The following NCALD variants were observed in gnomAD, a reference collection of about 807,000 sequenced individuals.
NCALD encodes the protein neurocalcin-delta.
A neutral mutation model predicts 18.6 loss-of-function variants in NCALD; 10 were observed. The ratio of observed to expected loss-of-function variants is 0.54; its 90% CI spans 0.33 to 0.91. The LOEUF is 0.91. Ranked by LOEUF, NCALD falls within the 40% of genes least tolerant of loss-of-function variation. NCALD has a pLI of 0.03. For synonymous variants in NCALD, 88 were observed against 87.4 expected (o/e 1.01, Z -0.04); for missense variants, 184 against 247.6 (o/e 0.74, Z 1.72).
At chr8:101,848,002 A>G (rs1814937647) in intron 4 of NCALD, among the ~76,000 whole-genome samples, 1 of 152,180 alleles carries the variant, frequency 6.6e-6, no homozygotes, top group Non-Finnish European at 1.5e-5. Flanking sequence ...AAGGGAAAAG[A>G]GAAGGAACAA....
At chr8:102,047,623 C>T (rs1262092112) in intron 1 of NCALD, among the ~76,000 whole-genome samples, 1 of 152,200 alleles carries the variant, frequency 6.6e-6, no homozygotes, top group Non-Finnish European at 1.5e-5. Flanking sequence ...ATAGAACATG[C>T]TAACGATCCT....
intron 1 of NCALD, among the ~76,000 whole-genome samples, chr8:102,022,748 G>A (rs984086115): frequency 1.3e-5 from 2 of 152,078 alleles, no homozygotes; most frequent in African/African-American, 4.8e-5. Flanking sequence ...CACACATCCA[G>A]ACCAAAAACC....
At chr8:101,827,691 G>T (rs1411667995) in intron 4 of NCALD, among the ~76,000 whole-genome samples, 1 of 152,184 alleles carries the variant, frequency 6.6e-6, no homozygotes, top group Non-Finnish European at 1.5e-5. Flanking sequence ...ACAGTTTTCT[G>T]TCTTAGACCA....
At chr8:101,982,618 A>G (rs780967090) in intron 2 of NCALD, among the ~76,000 whole-genome samples, 40 of 152,226 alleles carry the variant, frequency 2.6e-4, no homozygotes, top group Non-Finnish European at 2.5e-4. Flanking sequence ...AGGCTGGTGG[A>G]TCAGGAGGTC....
intron 1 of NCALD, among the ~76,000 whole-genome samples, chr8:102,084,895 C>T (rs1824685069): frequency 6.6e-6 from 1 of 152,168 alleles, no homozygotes; most frequent in Admixed American, 6.5e-5. Context: ...TGATGGTCTC[C>T]TGACTTTCCC....
intron 1 of NCALD, among the ~76,000 whole-genome samples, chr8:101,770,460 C>T (rs528748577): frequency 6.6e-6 from 1 of 152,162 alleles, no homozygotes; most frequent in African/African-American, 2.4e-5. Flanking sequence ...CCTTCTTACT[C>T]TCTGATGGTA....
intron 4 of NCALD, among the ~76,000 whole-genome samples, chr8:101,819,267 A>AT (rs200616070): frequency 6.8e-6 from 1 of 147,524 alleles, no homozygotes; most frequent in Non-Finnish European, 1.5e-5. Flanking sequence ...ACATAACTTT[A>AT]TTTATTTATT....
intron 2 of NCALD, among the ~76,000 whole-genome samples, chr8:101,999,195 C>T (rs929332252): frequency 6.6e-6 from 1 of 150,736 alleles, no homozygotes; most frequent in African/African-American, 2.4e-5. Flanking sequence ...GAAAAAGATA[C>T]TTGCACACAT....
chr8:101,873,768 G>A (rs1272773943), intron 4 of NCALD, among the ~76,000 whole-genome samples: 2 of 152,186 alleles, frequency 1.3e-5, no homozygotes, highest in Non-Finnish European at 2.9e-5. Flanking sequence ...GGGGTAGATG[G>A]TGGGAAAGCA....
chr8:101,936,642 A>G (rs1382308549), intron 2 of NCALD, among the ~76,000 whole-genome samples: 1 of 152,186 alleles, frequency 6.6e-6, no homozygotes, highest in Non-Finnish European at 1.5e-5. Flanking sequence ...CCTTCCCAAA[A>G]CAAACTGAGT....
intron 2 of NCALD, among the ~76,000 whole-genome samples, chr8:101,960,851 G>A (rs1051211957): frequency 2.0e-5 from 3 of 151,970 alleles, no homozygotes; most frequent in Non-Finnish European, 2.9e-5. Context: ...CCTTCCCTCC[G>A]TGGGGCTTTG....
intron 2 of NCALD, among the ~76,000 whole-genome samples, chr8:102,015,003 C>T (rs1266779723): frequency 3.3e-5 from 5 of 152,022 alleles, no homozygotes; most frequent in Admixed American, 3.3e-4. Context: ...CAAGGGTGTA[C>T]ATGGTTAATA....
intron 3 of NCALD, among the ~76,000 whole-genome samples, chr8:101,892,121 G>C (rs1383837264): frequency 2.0e-5 from 3 of 151,302 alleles, no homozygotes; most frequent in South Asian, 2.1e-4. Flanking sequence ...CTGTCTGACA[G>C]CTTTGAAGAG....
At chr8:101,766,601 T>C (rs1811357835) in intron 1 of NCALD, among the ~76,000 whole-genome samples, 1 of 152,200 alleles carries the variant, frequency 6.6e-6, no homozygotes, top group Non-Finnish European at 1.5e-5. Context: ...TTTGTTTTTG[T>C]TTTTTGAGAT....
At chr8:102,039,999 A>G (rs574464323) in intron 1 of NCALD, among the ~76,000 whole-genome samples, 5 of 152,298 alleles carry the variant, frequency 3.3e-5, no homozygotes, top group Non-Finnish European at 5.9e-5. Context: ...TGTAAGCCAA[A>G]TAAACCATTT....
At chr8:101,768,723 C>CAAA (rs71268528) in intron 1 of NCALD, among the ~76,000 whole-genome samples, 12 of 136,904 alleles carry the variant, frequency 8.8e-5, no homozygotes, top group African/African-American at 3.0e-4. Context: ...AACAAAAAAA[C>CAAA]AAAAAAAAAA....
At chr8:102,019,700 T>C (rs2132096575) in intron 2 of NCALD, among the ~76,000 whole-genome samples, 1 of 152,298 alleles carries the variant, frequency 6.6e-6, no homozygotes, top group East Asian at 1.9e-4. Context: ...TAAATCTAGC[T>C]AAGTATAGAA....
chr8:102,008,779 C>G (rs754596334), intron 2 of NCALD, among the ~76,000 whole-genome samples: 1 of 152,122 alleles, frequency 6.6e-6, no homozygotes, highest in African/African-American at 2.4e-5. Context: ...GTAACTGATT[C>G]TTACTGCTTC....
intron 2 of NCALD, among the ~76,000 whole-genome samples, chr8:102,011,644 G>A (rs1340441999): frequency 1.3e-5 from 2 of 152,046 alleles, no homozygotes; most frequent in Non-Finnish European, 2.9e-5. Context: ...ACATAAAGTA[G>A]GTATGTGCTA....
Sources: allele counts gnomAD v4.1 joint callset (sites outside exome capture counted in the v4.1 genomes callset), GRCh38; gene constraint gnomAD v4.1.1; transcripts MANE v1.5; gene names NCBI Gene and HGNC (gene_info 2026-07-23, HGNC 2026-07-21).